The following TMEM245 variants were observed in gnomAD, a reference collection of about 807,000 sequenced individuals.
TMEM245 encodes protein CG-2.
In TMEM245, 69 loss-of-function variants were observed where a neutral mutation model predicts 101.2. The observed-to-expected ratio is 0.68, with a 90% confidence interval of 0.56 to 0.83. The LOEUF (loss-of-function observed/expected upper bound fraction) is 0.83, where lower values mean the gene tolerates loss of function less well. Ranked by LOEUF, TMEM245 falls within the 40% of genes least tolerant of loss-of-function variation. The pLI, the probability that TMEM245 is intolerant of heterozygous loss-of-function variation, is 0.00. For missense variants in TMEM245, 1,075 were observed against 1,092.8 expected (o/e 0.98, Z 0.23); for synonymous variants, 537 against 449.8 (o/e 1.19, Z -2.45).
intron 5 of TMEM245, among the ~76,000 whole-genome samples, chr9:109,088,765 G>A (rs888080227): frequency 2.1e-5 from 3 of 143,214 alleles, no homozygotes; most frequent in Non-Finnish European, 4.5e-5. Context: ...GCAATGAGCC[G>A]AGATCCCGCC....
At chr9:109,070,509 T>C (rs978371528) in intron 9 of TMEM245, among the ~76,000 whole-genome samples, 2 of 152,214 alleles carry the variant, frequency 1.3e-5, no homozygotes, top group African/African-American at 4.8e-5. Flanking sequence ...TCACCTCCAC[T>C]GAAACTGTCT....
chr9:109,091,176 A>C, intron 4 of TMEM245, 21 bp from the exon 5 acceptor site: 1 of 1,598,166 alleles, frequency 6.3e-7, no homozygotes, highest in African/African-American at 1.3e-5. Flanking sequence ...AAAGAAAAAC[A>C]CCACACACCG....
intron 15 of TMEM245, 110 bp from the exon 16 acceptor site, chr9:109,036,490 A>T: frequency 9.5e-7 from 1 of 1,056,722 alleles, no homozygotes; most frequent in Non-Finnish European, 1.3e-6. Context: ...AAACAAGTTA[A>T]ATACTCACAA....
At chr9:109,066,452 C>CAA (rs386415818) in intron 9 of TMEM245, among the ~76,000 whole-genome samples, 2,494 of 52,416 alleles carry the variant, frequency 0.048, 342 homozygotes, top group Non-Finnish European at 0.059. Context: ...AAGACTGTCT[C>CAA]AAAAAAAAAA....
At chr9:109,092,866 C>T (rs886819433) in intron 4 of TMEM245, among the ~76,000 whole-genome samples, 8 of 152,202 alleles carry the variant, frequency 5.3e-5, no homozygotes, top group East Asian at 1.9e-4. Flanking sequence ...CACAGGACAA[C>T]GAGTCCAAAA....
At chr9:109,032,413 C>T (rs1321627475) in intron 17 of TMEM245, among the ~76,000 whole-genome samples, 2 of 87,958 alleles carry the variant, frequency 2.3e-5, no homozygotes, top group Admixed American at 1.8e-4. Context: ...AGACAAGAGT[C>T]TCGCTCTGTC....
intron 17 of TMEM245, among the ~76,000 whole-genome samples, chr9:109,027,708 T>C (rs1215567807): frequency 6.6e-6 from 1 of 152,060 alleles, no homozygotes; most frequent in East Asian, 1.9e-4. Flanking sequence ...TCTCGCTCTG[T>C]TGCCCAGGCT....
intron 17 of TMEM245, among the ~76,000 whole-genome samples, chr9:109,030,985 T>C (rs1827928782): frequency 6.6e-6 from 1 of 152,232 alleles, no homozygotes; most frequent in Non-Finnish European, 1.5e-5. Flanking sequence ...AGTGACTCCT[T>C]GATTACACGA....
At chr9:109,041,650 C>A (rs1034654463) in intron 14 of TMEM245, among the ~76,000 whole-genome samples, 3 of 151,296 alleles carry the variant, frequency 2.0e-5, no homozygotes, top group Non-Finnish European at 4.4e-5. Context: ...TTCAGTAGAT[C>A]TATTGTACAG....
At chr9:109,073,859 T>TTTG (rs1829410838) in intron 8 of TMEM245, among the ~76,000 whole-genome samples, 1 of 147,828 alleles carries the variant, frequency 6.8e-6, no homozygotes, top group African/African-American at 2.5e-5. Flanking sequence ...TTTTTTTGTT[T>TTTG]TTTTTTTTTT....
intron 17 of TMEM245, among the ~76,000 whole-genome samples, chr9:109,022,930 T>A (rs1239579691): frequency 6.6e-6 from 1 of 152,210 alleles, no homozygotes; most frequent in African/African-American, 2.4e-5. Flanking sequence ...TTCCTCTAAA[T>A]TATGAATGAA....
At chr9:109,111,953 G>T in intron 1 of TMEM245, among the ~76,000 whole-genome samples, 1 of 152,240 alleles carries the variant, frequency 6.6e-6, no homozygotes, top group Non-Finnish European at 1.5e-5. Context: ...AACAGAAAAA[G>T]AAGTATTTTT....
intron 17 of TMEM245, among the ~76,000 whole-genome samples, chr9:109,031,869 CTTTTT>C (rs888480034): frequency 1.3e-5 from 2 of 152,168 alleles, no homozygotes; most frequent in African/African-American, 4.8e-5. Context: ...GATAACAGTA[CTTTTT>C]ATTTTAATAT....
At chr9:109,095,145 G>A (rs1415304008) in intron 3 of TMEM245, among the ~76,000 whole-genome samples, 1 of 152,132 alleles carries the variant, frequency 6.6e-6, no homozygotes, top group Non-Finnish European at 1.5e-5. Flanking sequence ...CAAACTCATG[G>A]TCTGAGAGGA....
chr9:109,085,241 G>T (rs1030007118), intron 7 of TMEM245, among the ~76,000 whole-genome samples: 1 of 152,156 alleles, frequency 6.6e-6, no homozygotes, highest in East Asian at 1.9e-4. Flanking sequence ...GGGTAGTTAG[G>T]ACTACAAGTG....
chr9:109,064,556 T>C lies in TMEM245; in HGVS notation c.1544A>G (p.Glu515Gly). Reference sequence around the variant, plus strand: ...CAGGGCTCTTTGGACTACCTGAGCCTCAGGAAGCCAACTAATGTAAAACAA... The same window carrying C: ...CAGGGCTCTTTGGACTACCTGAGCCCCAGGAAGCCAACTAATGTAAAACAA... ...NHPEWANWLP[E>G]AQVVQRALNS... is the part of the protein sequence containing the mutation. The change falls in exon 10 of 18, where the codon GAG becomes GGG. Residue 515 changes from glutamate to glycine, a missense_variant. Glu to Gly is a moderately conservative substitution (Grantham distance 98, BLOSUM62 -2). Transcript: ENST00000374586. 1 of 1,613,570 alleles carries C rather than the reference T, an allele frequency of 6.2e-7. No homozygotes were observed. The highest frequency in any genetic ancestry group is 8.5e-7 in the Non-Finnish European group (1 of 1,179,682).
At chr9:109,103,754 G>A (rs555661510) in intron 3 of TMEM245, among the ~76,000 whole-genome samples, 9 of 152,206 alleles carry the variant, frequency 5.9e-5, no homozygotes, top group Admixed American at 2.0e-4. Context: ...GAGAGGGTAC[G>A]GGGAAGCTGG....
intron 14 of TMEM245, among the ~76,000 whole-genome samples, chr9:109,045,002 T>G (rs1019367096): frequency 2.6e-5 from 4 of 152,214 alleles, no homozygotes; most frequent in Non-Finnish European, 5.9e-5. Flanking sequence ...TCAGGTGATC[T>G]GCCCGCCTTG....
chr9:109,087,739 T>A (rs1213462138), intron 5 of TMEM245, among the ~76,000 whole-genome samples: 1 of 152,222 alleles, frequency 6.6e-6, no homozygotes, highest in Non-Finnish European at 1.5e-5. Context: ...CTTTTATAGC[T>A]GTTCTTGTCA....
Sources: gnomAD v4.1 joint callset for allele counts (sites outside exome capture counted in the v4.1 genomes callset) on GRCh38, gnomAD v4.1.1 for gene constraint, MANE v1.5 for transcripts, NCBI Gene and HGNC (gene_info 2026-07-23, HGNC 2026-07-21) for gene names.